GALNT14: variants seen among roughly 807,000 people sequenced by gnomAD.
GALNT14 encodes the protein polypeptide N-acetylgalactosaminyltransferase 14, also known as UDP-GalNAc:polypeptide N-acetylgalactosaminyltransferase 14.
Under a neutral mutation model 77.5 loss-of-function variants are expected in GALNT14, and 60 were observed. That is an observed-to-expected ratio of 0.77 (90% confidence interval 0.63 to 0.96). GALNT14 has a LOEUF of 0.96. Among genes scored for constraint, GALNT14 ranks in the 40% least tolerant of loss-of-function variants. GALNT14 has a pLI of 0.00. For missense variants in GALNT14, 710 were observed against 731.0 expected (o/e 0.97, Z 0.33); for synonymous variants, 280 against 281.7 (o/e 0.99, Z 0.06).
intron 1 of GALNT14, among the ~76,000 whole-genome samples, chr2:30,994,782 G>A (rs914994756): frequency 6.6e-6 from 1 of 152,164 alleles, no homozygotes; most frequent in African/African-American, 2.4e-5. Context: ...TTCTAAATAA[G>A]TTGTGAGCCC....
chr2:31,022,035 TTAGA>T (rs569918514), intron 1 of GALNT14, among the ~76,000 whole-genome samples: 2 of 152,314 alleles, frequency 1.3e-5, no homozygotes, highest in Admixed American at 6.5e-5. Context: ...CAGTACATAA[TTAGA>T]TAGATAGAAG....
chr2:30,929,465 C>T lies in GALNT14; in HGVS notation c.1081G>A (p.Val361Met). 1.2e-6 allele frequency: 2 copies of T among 1,614,152 alleles called. No individual in the cohort carries two copies. The highest frequency in any genetic ancestry group is 1.7e-6 in the Non-Finnish European group (2 of 1,179,974). Residue 361 changes from valine (V) to methionine (M), a missense_variant, in exon 11 of 15, where the codon GTG becomes ATG. Val to Met is a conservative substitution (Grantham distance 21, BLOSUM62 1). Transcript: ENST00000349752. The part of the protein sequence containing the change: ...YIKNTKRTAE[V>M]WMDEYKQYYY... ...TATTGCTTGTATTCATCCATCCACA[C>T]TTCAGCTGTCCGCTTGGTGTTCCTG...
At chr2:31,079,758 C>A (rs1021082762) in intron 1 of GALNT14, among the ~76,000 whole-genome samples, 1 of 152,166 alleles carries the variant, frequency 6.6e-6, no homozygotes, top group African/African-American at 2.4e-5. Flanking sequence ...GAGCACCCCA[C>A]GGGCTTCCTT....
chr2:30,999,608 A>C (rs1388202016), intron 1 of GALNT14, among the ~76,000 whole-genome samples: 1 of 152,210 alleles, frequency 6.6e-6, no homozygotes, highest in Non-Finnish European at 1.5e-5. Context: ...TGCTATGAAA[A>C]GGGAGATATC....
At chr2:31,077,972 C>T (rs1306469532) in intron 1 of GALNT14, among the ~76,000 whole-genome samples, 2 of 152,176 alleles carry the variant, frequency 1.3e-5, no homozygotes, top group Admixed American at 6.5e-5. Context: ...AACTTAATGA[C>T]AGAGTGAGAC....
chr2:30,945,973 T>A (rs1196957355), intron 6 of GALNT14, 103 bp from the exon 7 acceptor site: 6 of 899,162 alleles, frequency 6.7e-6, no homozygotes, highest in Non-Finnish European at 1.1e-5. Context: ...ATGAGTTTTG[T>A]GGCCTTCATA....
intron 9 of GALNT14, among the ~76,000 whole-genome samples, chr2:30,934,645 G>T (rs1665945319): frequency 6.6e-6 from 1 of 151,926 alleles, no homozygotes; most frequent in African/African-American, 2.4e-5. Context: ...CCTCCCTTCT[G>T]CCACAGCCAT....
chr2:30,953,889 GT>G (rs1558437630), intron 6 of GALNT14, among the ~76,000 whole-genome samples: 1 of 152,130 alleles, frequency 6.6e-6, no homozygotes, highest in Non-Finnish European at 1.5e-5. Flanking sequence ...ATGGCATCCG[GT>G]TTTTTATTAT....
intron 1 of GALNT14, among the ~76,000 whole-genome samples, chr2:31,019,133 C>T (rs1020656927): frequency 1.3e-5 from 2 of 152,170 alleles, no homozygotes; most frequent in African/African-American, 4.8e-5. Context: ...CAGACTTCAA[C>T]TCAGGGCTCC....
At chr2:31,136,365 A>G (rs1288472238) in intron 1 of GALNT14, among the ~76,000 whole-genome samples, 1 of 151,958 alleles carries the variant, frequency 6.6e-6, no homozygotes, top group African/African-American at 2.4e-5. Flanking sequence ...GTTAACCTCT[A>G]CCTGGAATGC....
intron 1 of GALNT14, among the ~76,000 whole-genome samples, chr2:31,028,386 T>C (rs912112576): frequency 2.6e-5 from 4 of 152,190 alleles, no homozygotes; most frequent in Non-Finnish European, 4.4e-5. Flanking sequence ...GAACTCTCAG[T>C]CCATCCAGGG....
the GALNT14 span, among the ~76,000 whole-genome samples, chr2:30,895,251 A>C: frequency 6.6e-6 from 1 of 152,074 alleles, no homozygotes; most frequent in Non-Finnish European, 1.5e-5. Flanking sequence ...TTCTCTGAGG[A>C]GCTTACACAC....
At chr2:31,133,189 A>C (rs1376678036) in intron 1 of GALNT14, among the ~76,000 whole-genome samples, 1 of 151,970 alleles carries the variant, frequency 6.6e-6, no homozygotes, top group Non-Finnish European at 1.5e-5. Context: ...CCATTCAGCC[A>C]CTCCGCGTGT....
chr2:31,092,863 C>T (rs1676821761), intron 1 of GALNT14, among the ~76,000 whole-genome samples: 1 of 152,068 alleles, frequency 6.6e-6, no homozygotes, highest in Non-Finnish European at 1.5e-5. Flanking sequence ...GTGGTTTGGG[C>T]CATTACTTTT....
chr2:31,083,473 G>C (rs1489837494), intron 1 of GALNT14, among the ~76,000 whole-genome samples: 18 of 152,192 alleles, frequency 1.2e-4, no homozygotes, highest in Admixed American at 1.2e-3. Context: ...TAAGAAAACA[G>C]AACAAGGAGG....
chr2:30,910,015 T>G (rs1664264770), downstream of GALNT14, among the ~76,000 whole-genome samples: 1 of 131,638 alleles, frequency 7.6e-6, no homozygotes, highest in African/African-American at 2.9e-5. Context: ...AACAATGAGA[T>G]CACATGGACA....
intron 2 of GALNT14, among the ~76,000 whole-genome samples, chr2:30,986,243 T>C (rs1302183327): frequency 1.3e-5 from 2 of 152,048 alleles, no homozygotes; most frequent in East Asian, 3.9e-4. Flanking sequence ...CAGGCAGAGG[T>C]GACCCAATGA....
At chr2:30,909,718 C>T (rs1407054830), downstream of GALNT14, among the ~76,000 whole-genome samples, 2 of 151,720 alleles carry the variant, frequency 1.3e-5, no homozygotes, top group Non-Finnish European at 2.9e-5. Flanking sequence ...GGGTATATAC[C>T]CAAAGGACTA....
chr2:30,955,953 TTGA>T lies in GALNT14; in HGVS notation c.488_490del (p.Ile163del), dbSNP rs1396642962. On this transcript the variant is annotated inframe_deletion, in exon 5 of 15. Coordinates refer to ENST00000349752, the MANE Select transcript of GALNT14 (RefSeq NM_024572.4). ...GCGCAAGCATTTCACCTTGGGCAAC[TTGA>T]TGAGCTGTTTACAGTCATCAGCTGC... 6.2e-7 allele frequency: 1 copy of T among 1,614,106 alleles called. No homozygotes were observed. Among genetic ancestry groups the T allele is most frequent in the Non-Finnish European group, 8.5e-7 (1 of 1,180,050 alleles).
Sources: allele counts gnomAD v4.1 joint callset (sites outside exome capture counted in the v4.1 genomes callset), GRCh38; gene constraint gnomAD v4.1.1; transcripts MANE v1.5; gene names NCBI Gene and HGNC (gene_info 2026-07-23, HGNC 2026-07-21).